The following FGD4 variants were observed in gnomAD, a reference collection of about 807,000 sequenced individuals.
The protein encoded by FGD4 is FYVE, RhoGEF and PH domain-containing protein 4.
FGD4 carries 42 observed loss-of-function variants against 102.0 expected under a neutral mutation model. That is an observed-to-expected ratio of 0.41 (90% CI 0.32 to 0.53). The LOEUF (loss-of-function observed/expected upper bound fraction) is 0.53. Among genes scored for constraint, FGD4 ranks in the 20% least tolerant of loss-of-function variants. FGD4 has a pLI of 0.21. For synonymous variants in FGD4, 380 were observed against 375.7 expected (o/e 1.01, Z -0.13); for missense variants, 902 against 1,078.2 (o/e 0.84, Z 2.29).
chr12:32,442,942 T>C (rs546273602), intron 1 of FGD4, among the ~76,000 whole-genome samples: 1 of 152,354 alleles, frequency 6.6e-6, no homozygotes, highest in South Asian at 2.1e-4. Flanking sequence ...ATTAATGATG[T>C]TGAGCATTTT....
intron 1 of FGD4, among the ~76,000 whole-genome samples, chr12:32,559,238 T>C (rs1278232129): frequency 6.6e-6 from 1 of 152,208 alleles, no homozygotes; most frequent in Admixed American, 6.5e-5. Context: ...CAGTTTTTGT[T>C]GCTATTATCC....
intron 11 of FGD4, among the ~76,000 whole-genome samples, chr12:32,622,049 G>A (rs1053633009): frequency 3.9e-5 from 6 of 152,120 alleles, no homozygotes; most frequent in Non-Finnish European, 7.4e-5. Flanking sequence ...CACCAAGCCC[G>A]ACTAACTTTT....
intron 1 of FGD4, among the ~76,000 whole-genome samples, chr12:32,490,384 G>A (rs918426903): frequency 2.0e-5 from 3 of 147,994 alleles, no homozygotes; most frequent in African/African-American, 7.4e-5. Flanking sequence ...TGTAGGAAAA[G>A]AGATTTTTAT....
chr12:32,553,837 G>T (rs1244235260), intron 1 of FGD4, among the ~76,000 whole-genome samples: 1 of 152,232 alleles, frequency 6.6e-6, no homozygotes, highest in African/African-American at 2.4e-5. Flanking sequence ...GGGCATGGTG[G>T]CTTATGCCTG....
At chr12:32,630,182 C>T (rs1385391877) in intron 14 of FGD4, among the ~76,000 whole-genome samples, 2 of 152,166 alleles carry the variant, frequency 1.3e-5, no homozygotes. Flanking sequence ...TTGGAAAATT[C>T]TCTTACTTTA....
chr12:32,556,553 T>C (rs1944134415), intron 1 of FGD4, among the ~76,000 whole-genome samples: 2 of 152,150 alleles, frequency 1.3e-5, no homozygotes, highest in Admixed American at 1.3e-4. Context: ...TCATCCATGC[T>C]GTAGCATATG....
intron 1 of FGD4, among the ~76,000 whole-genome samples, chr12:32,474,111 C>G (rs1461264320): frequency 6.6e-6 from 1 of 151,468 alleles, no homozygotes; most frequent in Non-Finnish European, 1.5e-5. Flanking sequence ...AAAAAGTATT[C>G]GGGGCTGTGG....
At chr12:32,511,186 G>A (rs559201085) in intron 1 of FGD4, 1 of 152,234 alleles carries the variant, frequency 6.6e-6, no homozygotes, top group Non-Finnish European at 1.5e-5. Context: ...ACTCTCTAGT[G>A]AGATGAGCAT....
Position 32,619,709 on chromosome 12 carries a change from G to C in FGD4, c.1761G>C (p.Met587Ile), listed in dbSNP as rs750158768. ...CTCGTTCCTTGCAGTTCAACAACATGTTGCTGTACTGTGTGCCCAAATTCA... is the reference window on the plus strand; with the variant it reads ...CTCGTTCCTTGCAGTTCAACAACATCTTGCTGTACTGTGTGCCCAAATTCA... ...QERYLFLFNN[M>I]LLYCVPKFSL... The change falls in exon 11 of 17, where the codon ATG (methionine) becomes ATC (isoleucine). Residue 587 changes from methionine to isoleucine, a missense_variant. By Grantham distance (10) the Met-to-Ile change is conservative. This residue lies in a region of FGD4 where 459 missense variants were observed against 619.0 expected (regional missense o/e 0.74). Coordinates refer to ENST00000534526, the MANE Select transcript of FGD4 (RefSeq NM_001370298.3). The C allele has an allele frequency of 6.2e-7, 1 of 1,614,054 alleles. No individual in the cohort carries two copies. The highest frequency in any genetic ancestry group is 2.2e-5 in the East Asian group (1 of 44,868).
intron 10 of FGD4, among the ~76,000 whole-genome samples, chr12:32,618,552 A>G (rs970374635): frequency 2.6e-5 from 4 of 152,202 alleles, no homozygotes; most frequent in African/African-American, 9.7e-5. Flanking sequence ...AAAATTGCTG[A>G]CCAGATGCTA....
intron 1 of FGD4, among the ~76,000 whole-genome samples, chr12:32,408,287 G>A (rs1941037029): frequency 1.3e-5 from 2 of 151,494 alleles, no homozygotes; most frequent in African/African-American, 4.8e-5. Flanking sequence ...TCCTGCCTCA[G>A]CCTCCCGAGT....
rs373776184 is a variant in FGD4, at chr12:32,622,031, G to T, written c.1922+2161G>T. Among the ~76,000 whole-genome samples the T allele has an allele frequency of 7.2e-5, 11 of 152,242 alleles. 2 individuals are homozygous for T. The highest frequency in any genetic ancestry group is 1.3e-4 in the Admixed American group (2 of 15,294). On this transcript the variant is annotated intron_variant, in intron 11 of 16. Transcript: ENST00000534526. The stretch of plus-strand genomic sequence containing the variant: ...GCCTCCCGAGTAGCTGGGACTATAG[G>T]TGCCTGCCACCAAGCCCGACTAACT...
intron 11 of FGD4, among the ~76,000 whole-genome samples, chr12:32,622,312 C>T (rs1185706380): frequency 1.3e-5 from 2 of 152,196 alleles, no homozygotes; most frequent in Non-Finnish European, 2.9e-5. Flanking sequence ...AGATATTTCT[C>T]AGGTTTCTTA....
intron 1 of FGD4, among the ~76,000 whole-genome samples, chr12:32,407,915 T>A (rs1402914196): frequency 2.0e-5 from 3 of 152,116 alleles, no homozygotes; most frequent in Non-Finnish European, 4.4e-5. Context: ...TTTGCCCCTT[T>A]ACTCTCATTT....
intron 1 of FGD4, among the ~76,000 whole-genome samples, chr12:32,414,316 A>G (rs1941320642): frequency 6.6e-6 from 1 of 151,818 alleles, no homozygotes; most frequent in African/African-American, 2.4e-5. Flanking sequence ...TTTTGTGGGT[A>G]TAGAGTTGGT....
rs1485546380 is a variant in FGD4, at chr12:32,526,554, C to T, written c.167-37583C>T. On this transcript the variant is annotated intron_variant, in intron 1 of 16. Transcript: ENST00000534526. ...GCCCTGACGAAACAGGCCACTCGGT[C>T]CTACCAATCAGCAGGATGTGGGTGG... Among the ~76,000 whole-genome samples, 16 of 152,298 alleles carry T rather than the reference C, an allele frequency of 1.1e-4. No individual in the cohort carries two copies. In the East Asian group the frequency reaches 1.9e-3, roughly 18 times the overall value.
rs895913893 is a variant in FGD4, at chr12:32,644,651, G to T, written c.*4118G>T. ...AACAAGCAAGAATGAAGAGAGATGT[G>T]GGGGAGAGACTGCTGGTCTCCAGAC... On this transcript the variant is annotated 3_prime_UTR_variant, in exon 17 of 17. Transcript: ENST00000534526. 3 of 152,016 alleles carry T rather than the reference G, an allele frequency of 2.0e-5. No individual in the cohort carries two copies. Among genetic ancestry groups the T allele is most frequent in the Admixed American group, 6.6e-5 (1 of 15,238 alleles). 9.4% of individuals were successfully genotyped at this position (152,016 alleles called of 1,614,324 possible).
intron 1 of FGD4, among the ~76,000 whole-genome samples, chr12:32,403,949 A>G (rs1001302557): frequency 2.6e-5 from 4 of 151,874 alleles, no homozygotes; most frequent in Non-Finnish European, 5.9e-5. Context: ...GCTTTTTCCT[A>G]TTGTGAAAAC....
chr12:32,532,569 C>CTT (rs936929128), intron 1 of FGD4, among the ~76,000 whole-genome samples: 2 of 143,580 alleles, frequency 1.4e-5, no homozygotes, highest in South Asian at 2.2e-4. Context: ...CACATGTTAG[C>CTT]TTTTTTTTTT....
Sources: allele counts gnomAD v4.1 joint callset (sites outside exome capture counted in the v4.1 genomes callset), GRCh38; gene constraint gnomAD v4.1.1; regional missense constraint gnomAD v4.1.1; transcripts MANE v1.5; gene names NCBI Gene and HGNC (gene_info 2026-07-23, HGNC 2026-07-21).